The following MAST4 variants were observed in gnomAD, a reference collection of about 807,000 sequenced individuals.
The protein encoded by MAST4 is microtubule associated serine/threonine kinase family member 4.
Under a neutral mutation model 162.7 loss-of-function variants are expected in MAST4, and 89 were observed. That is an observed-to-expected ratio of 0.55 (90% CI 0.46 to 0.65). The LOEUF is 0.65. MAST4 is among the 30% of genes least tolerant of loss of function. The pLI, the probability that MAST4 is intolerant of heterozygous loss-of-function variation, is 0.00. For missense variants in MAST4, 3,153 were observed against 3,374.0 expected (o/e 0.93, Z 1.62); for synonymous variants, 1,479 against 1,361.1 (o/e 1.09, Z -1.91).
intron 1 of MAST4, among the ~76,000 whole-genome samples, chr5:66,628,827 A>G (rs990534580): frequency 6.6e-6 from 1 of 152,220 alleles, no homozygotes; most frequent in African/African-American, 2.4e-5. Context: ...TAGGAGAAGC[A>G]GAGCTTTTCT....
At chr5:66,643,328 A>G (rs1052991040) in intron 1 of MAST4, among the ~76,000 whole-genome samples, 1 of 152,198 alleles carries the variant, frequency 6.6e-6, no homozygotes, top group Non-Finnish European at 1.5e-5. Context: ...GCTCAGTAAT[A>G]TCTGTTGAAG....
rs574097837 is a variant in MAST4, at chr5:67,123,500, C to G, written c.1745+2398C>G. Among the ~76,000 whole-genome samples, 65 of 152,226 alleles carry G rather than the reference C, an allele frequency of 4.3e-4. 2 individuals are homozygous for G. The South Asian group carries it at 0.013, about 31-fold the overall frequency. On this transcript the variant is annotated intron_variant, in intron 14 of 28. Coordinates refer to ENST00000403625, the MANE Select transcript of MAST4 (RefSeq NM_001164664.2). ...ATATATATTCTCTTCTCACAAGAGC[C>G]CTTGTATGGTAGTTGATATTATTTC...
chr5:66,644,429 C>T (rs1201603495), intron 1 of MAST4, among the ~76,000 whole-genome samples: 1 of 152,202 alleles, frequency 6.6e-6, no homozygotes, highest in Non-Finnish European at 1.5e-5. Flanking sequence ...TACATTCCCA[C>T]CATTTTTCTC....
chr5:66,823,523 G>T (rs1274428362), intron 3 of MAST4, among the ~76,000 whole-genome samples: 1 of 152,082 alleles, frequency 6.6e-6, no homozygotes, highest in Non-Finnish European at 1.5e-5. Context: ...TGTTGCTCGG[G>T]CAGGAGTGCA....
rs1773931625 is a variant in MAST4, at chr5:67,166,210, C to T, written c.7031C>T (p.Thr2344Ile). ...PKPSTVKDCP[T>I]LCKQTDNRQT... ...CCATCCACTGTGAAAGATTGCCCCA[C>T]CCTGTGCAAACAGACAGACAACAGA... Residue 2344 changes from threonine (T) to isoleucine (I), a missense_variant, in exon 29 of 29, where the codon ACC (threonine) becomes ATC (isoleucine). Thr to Ile is a moderately conservative substitution (Grantham distance 89). This residue lies in a region of MAST4 where 1,644 missense variants were observed against 1,495.0 expected (regional missense o/e 1.10). Coordinates refer to ENST00000403625, the MANE Select transcript of MAST4 (RefSeq NM_001164664.2). 6.4e-7 allele frequency: 1 copy of T among 1,552,772 alleles called. No homozygotes were observed.
At chr5:66,901,416 A>G (rs993911726) in intron 4 of MAST4, among the ~76,000 whole-genome samples, 3 of 106,200 alleles carry the variant, frequency 2.8e-5, no homozygotes, top group South Asian at 5.3e-4. Context: ...CCTCTTTTGC[A>G]CTTGAGTAAG....
chr5:66,600,668 A>G (rs1389054166), intron 1 of MAST4, among the ~76,000 whole-genome samples: 1 of 152,222 alleles, frequency 6.6e-6, no homozygotes, highest in Non-Finnish European at 1.5e-5. Context: ...ATGATATGCA[A>G]ACCTCTAGAT....
At chr5:66,628,281 G>A (rs766641496) in intron 1 of MAST4, among the ~76,000 whole-genome samples, 3 of 151,104 alleles carry the variant, frequency 2.0e-5, no homozygotes, top group Non-Finnish European at 4.4e-5. Flanking sequence ...CATTCCTCCC[G>A]CCTTGACCTT....
intron 3 of MAST4, among the ~76,000 whole-genome samples, chr5:66,791,310 C>T (rs1479130872): frequency 1.3e-5 from 2 of 152,238 alleles, no homozygotes; most frequent in African/African-American, 2.4e-5. Context: ...AGGCATTAGC[C>T]ACCATGTCCA....
chr5:66,943,405 G>A (rs1743596173), intron 4 of MAST4, among the ~76,000 whole-genome samples: 1 of 151,994 alleles, frequency 6.6e-6, no homozygotes, highest in Non-Finnish European at 1.5e-5. Flanking sequence ...CTGAGATAAA[G>A]GAATATTTAA....
chr5:66,823,539 G>T (rs946893285), intron 3 of MAST4, among the ~76,000 whole-genome samples: 2 of 152,084 alleles, frequency 1.3e-5, no homozygotes, highest in Non-Finnish European at 2.9e-5. Context: ...GTGCAGTGGC[G>T]CGATCTCGGC....
At chr5:66,800,023 G>GC (rs1755839663) in intron 3 of MAST4, among the ~76,000 whole-genome samples, 1 of 152,212 alleles carries the variant, frequency 6.6e-6, no homozygotes, top group African/African-American at 2.4e-5. Context: ...GACAAGAGGA[G>GC]CTGATGTATT....
At chr5:67,142,647 A>G in intron 21 of MAST4, 114 bp downstream of exon 21, 3 of 688,906 alleles carry the variant, frequency 4.4e-6, no homozygotes, top group Non-Finnish European at 7.4e-6. Flanking sequence ...GAGGTCTCCT[A>G]TGCTTAAACT....
intron 1 of MAST4, among the ~76,000 whole-genome samples, chr5:66,719,332 A>G (rs140940277): frequency 1.3e-3 from 191 of 152,310 alleles, no homozygotes; most frequent in Non-Finnish European, 1.9e-3. Flanking sequence ...CTTCTTCCCA[A>G]TGGGAAATCA....
chr5:67,104,528 C>A lies in MAST4; in HGVS notation c.1309C>A (p.Arg437=), dbSNP rs775033679. ...ATCCCACCAGGGCCTCATCACCTCACGATACTTCCTTGAATTACAGCACAA... is the reference window on the plus strand; with the variant it reads ...ATCCCACCAGGGCCTCATCACCTCAAGATACTTCCTTGAATTACAGCACAA... ...DKSHQGLITS[R]YFLELQHKLD... is the part of the protein sequence containing the mutation. The change falls in exon 10 of 29, where the codon CGA becomes AGA. Residue 437 remains arginine, a synonymous_variant. Transcript: ENST00000403625. 38 of 1,613,648 alleles carry A rather than the reference C, an allele frequency of 2.4e-5. No individual in the cohort carries two copies. The highest frequency in any genetic ancestry group is 2.3e-4 in the South Asian group (21 of 91,074).
At chr5:66,918,161 T>G (rs1469041295) in intron 4 of MAST4, among the ~76,000 whole-genome samples, 1 of 152,136 alleles carries the variant, frequency 6.6e-6, no homozygotes, top group African/African-American at 2.4e-5. Flanking sequence ...AGCCATGACT[T>G]TTTAATTATC....
At chr5:66,927,698 G>A (rs1161597888) in intron 4 of MAST4, among the ~76,000 whole-genome samples, 1 of 152,230 alleles carries the variant, frequency 6.6e-6, no homozygotes, top group African/African-American at 2.4e-5. Flanking sequence ...ACTGGACCCA[G>A]GAAGGTGCTT....
Position 67,165,448 on chromosome 5 carries a change from G to A in MAST4, c.6269G>A (p.Arg2090Gln), listed in dbSNP as rs1379053553. ...AAGCCCGAAGCGCTTCTTGCCAGGC[G>A]GTCTCTGCAGCCACCTGGAATTGAG... Reference protein sequence around the residue: ...EPKPEALLARRSLQPPGIESE... With the variant: ...EPKPEALLARQSLQPPGIESE... The change falls in exon 29 of 29, where the codon CGG becomes CAG. Residue 2090 changes from arginine (R) to glutamine (Q), a missense_variant. Around this residue, in one of 7 missense-constraint regions of MAST4, gnomAD observed 1,644 missense variants for 1,495.0 expected, o/e 1.10. Transcript: ENST00000403625. 1.9e-6 allele frequency: 3 copies of A among 1,613,878 alleles called. No homozygotes were observed. In the South Asian group the frequency reaches 3.3e-5, roughly 18 times the overall value.
intron 5 of MAST4, among the ~76,000 whole-genome samples, chr5:67,062,210 G>C (rs1359868525): frequency 6.6e-6 from 1 of 152,120 alleles, no homozygotes; most frequent in Non-Finnish European, 1.5e-5. Context: ...GACCATCCTG[G>C]CCAACATGGT....
Sources: allele counts gnomAD v4.1 joint callset (sites outside exome capture counted in the v4.1 genomes callset), GRCh38; gene constraint gnomAD v4.1.1; regional missense constraint gnomAD v4.1.1; transcripts MANE v1.5; gene names NCBI Gene and HGNC (gene_info 2026-07-23, HGNC 2026-07-21).